Variants in RBFOX1 observed in about 807,000 individuals in gnomAD.
RBFOX1 encodes RNA binding protein fox-1 homolog 1.
In RBFOX1, 8 loss-of-function variants were observed where a neutral mutation model predicts 57.7. The observed-to-expected ratio is 0.14, with a 90% CI of 0.08 to 0.25. The LOEUF (loss-of-function observed/expected upper bound fraction) is 0.25, where lower values mean the gene tolerates loss of function less well. Ranked by LOEUF, RBFOX1 falls within the 10% of genes least tolerant of loss-of-function variation. The probability of loss-of-function intolerance (pLI) is 1.00; values close to 1 mark genes in which losing one functional copy is unlikely to be tolerated. For missense variants in RBFOX1, 611 were observed against 548.5 expected, an observed-to-expected ratio of 1.11 and a Z score of -1.14; for synonymous variants, 326 against 222.4, an observed-to-expected ratio of 1.47 and a Z score of -4.15.
intron 1 of RBFOX1, chr16:6,092,736 C>T (rs1471817282): frequency 6.6e-6 from 1 of 152,084 alleles, no homozygotes; most frequent in Non-Finnish European, 1.5e-5. Flanking sequence ...CTGTTCTGTT[C>T]CATTGGTCTT....
chr16:5,434,339 T>TTTTTTTTG (rs2067849510), intron 1 of RBFOX1, among the ~76,000 whole-genome samples: 1 of 147,058 alleles, frequency 6.8e-6, no homozygotes, highest in African/African-American at 2.5e-5. Context: ...TTTTTTTTTT[T>TTTTTTTTG]GAGGCAGGGT....
chr16:7,583,838 C>A (rs777765361), intron 6 of RBFOX1, among the ~76,000 whole-genome samples: 13 of 152,030 alleles, frequency 8.6e-5, no homozygotes, highest in Admixed American at 3.3e-4. Flanking sequence ...TCAAAAAAAA[C>A]CACACCAAAA....
intron 3 of RBFOX1, among the ~76,000 whole-genome samples, chr16:5,845,249 A>G (rs551980268): frequency 1.3e-5 from 2 of 152,130 alleles, no homozygotes. Context: ...CAGCACTTCA[A>G]AGTTTACAAA....
At chr16:7,053,289 T>C (rs565301822) in intron 4 of RBFOX1, among the ~76,000 whole-genome samples, 1 of 152,328 alleles carries the variant, frequency 6.6e-6, no homozygotes, top group East Asian at 1.9e-4. Context: ...AGTATGGCCC[T>C]CTCTACCCAC....
At chr16:7,366,043 A>G (rs891283910) in intron 4 of RBFOX1, among the ~76,000 whole-genome samples, 1 of 152,172 alleles carries the variant, frequency 6.6e-6, no homozygotes, top group African/African-American at 2.4e-5. Context: ...GAAGGTTTTG[A>G]TTGGCCTGGC....
At chr16:6,859,127 A>ATATATATATATATATATATG (rs1555536694) in intron 3 of RBFOX1, among the ~76,000 whole-genome samples, 8 of 67,906 alleles carry the variant, frequency 1.2e-4, no homozygotes, top group African/African-American at 6.1e-4. Flanking sequence ...ATATATATAT[A>ATATATATATATATATATATG]TACATATATA....
At chr16:7,247,990 A>C (rs1397847241) in intron 4 of RBFOX1, among the ~76,000 whole-genome samples, 1 of 152,206 alleles carries the variant, frequency 6.6e-6, no homozygotes, top group Non-Finnish European at 1.5e-5. Flanking sequence ...AACTCCCATG[A>C]CACAAGTTTA....
intron 3 of RBFOX1, among the ~76,000 whole-genome samples, chr16:7,023,559 T>C (rs1158566122): frequency 3.5e-5 from 3 of 84,582 alleles, no homozygotes; most frequent in Non-Finnish European, 6.4e-5. Flanking sequence ...AAACTTCGTC[T>C]GTACTAAAAA....
chr16:5,498,388 C>T (rs1357802502), intron 2 of RBFOX1, among the ~76,000 whole-genome samples: 2 of 152,208 alleles, frequency 1.3e-5, no homozygotes, highest in South Asian at 4.1e-4. Flanking sequence ...AAGTTATCTA[C>T]ATGCCTCAGC....
chr16:7,391,284 A>T (rs969531351), intron 4 of RBFOX1, among the ~76,000 whole-genome samples: 2 of 151,982 alleles, frequency 1.3e-5, no homozygotes, highest in African/African-American at 4.8e-5. Context: ...CCTCTAAGAG[A>T]GTTTTTGGGC....
rs978243990 is a variant in RBFOX1, at chr16:5,983,911, C to G, written c.351+116576C>G. On this transcript the variant is annotated intron_variant, in intron 4 of 19. Coordinates refer to the RBFOX1 transcript ENST00000641259. ...ACCCCTCCTCGTTCTCCTCCTCCTCCTCTTCCTCCTCCTCCCCCTCCTCCT... is the reference window on the plus strand; with the variant it reads ...ACCCCTCCTCGTTCTCCTCCTCCTCGTCTTCCTCCTCCTCCCCCTCCTCCT... Among the ~76,000 whole-genome samples the G allele has an allele frequency of 2.7e-4, 40 of 145,898 alleles. 1 individual carries two copies. Among genetic ancestry groups the G allele is most frequent in the African/African-American group, 9.2e-4 (36 of 39,182 alleles).
At chr16:7,148,677 G>A (rs890746571) in intron 4 of RBFOX1, among the ~76,000 whole-genome samples, 6 of 152,112 alleles carry the variant, frequency 3.9e-5, no homozygotes, top group Admixed American at 1.3e-4. Context: ...TAGATGTGCC[G>A]CTCTACTCTC....
At chr16:6,235,440 G>A (rs941765415) in intron 1 of RBFOX1, among the ~76,000 whole-genome samples, 1 of 152,076 alleles carries the variant, frequency 6.6e-6, no homozygotes, top group African/African-American at 2.4e-5. Flanking sequence ...ATATGAAAAA[G>A]ACACTTGCAC....
At chr16:7,462,949 G>C (rs990390410) in intron 4 of RBFOX1, among the ~76,000 whole-genome samples, 3 of 152,196 alleles carry the variant, frequency 2.0e-5, no homozygotes, top group African/African-American at 7.2e-5. Context: ...CTCTTCTCCT[G>C]ATCTCAAGAT....
At chr16:7,262,055 C>T (rs1416073218) in intron 4 of RBFOX1, among the ~76,000 whole-genome samples, 3 of 152,116 alleles carry the variant, frequency 2.0e-5, no homozygotes, top group Admixed American at 6.6e-5. Flanking sequence ...CAATTATGTA[C>T]CTTTTTGGAG....
At chr16:5,340,819 C>CA (rs2065015374) in intron 1 of RBFOX1, among the ~76,000 whole-genome samples, 1 of 152,072 alleles carries the variant, frequency 6.6e-6, no homozygotes, top group South Asian at 2.1e-4. Flanking sequence ...ACATGGGAGA[C>CA]AAAATGGTAA....
chr16:7,069,881 G>A (rs77091829), intron 4 of RBFOX1, among the ~76,000 whole-genome samples: 39 of 152,208 alleles, frequency 2.6e-4, no homozygotes, highest in Non-Finnish European at 4.7e-4. Flanking sequence ...TAGAATTTGC[G>A]CTTGAATTTT....
At chr16:7,179,359 C>G (rs1214700239) in intron 4 of RBFOX1, among the ~76,000 whole-genome samples, 1 of 152,154 alleles carries the variant, frequency 6.6e-6, no homozygotes, top group South Asian at 2.1e-4. Flanking sequence ...CCTAAGAGAA[C>G]ATAATTCTAA....
At chr16:6,011,818 T>C (rs1395514181) in intron 4 of RBFOX1, among the ~76,000 whole-genome samples, 1 of 151,854 alleles carries the variant, frequency 6.6e-6, no homozygotes, top group Non-Finnish European at 1.5e-5. Context: ...GACGAGGAGG[T>C]TGTGATCAGG....
Sources: gnomAD v4.1 joint callset for allele counts (sites outside exome capture counted in the v4.1 genomes callset) on GRCh38, gnomAD v4.1.1 for gene constraint, MANE v1.5 for transcripts, NCBI Gene and HGNC (gene_info 2026-07-23, HGNC 2026-07-21) for gene names.